CACNB4: variants seen among roughly 807,000 people sequenced by gnomAD.
The protein encoded by CACNB4 is voltage-dependent L-type calcium channel subunit beta-4.
In CACNB4, 32 loss-of-function variants were observed where a neutral mutation model predicts 71.2. The ratio of observed to expected loss-of-function variants is 0.45; its 90% CI spans 0.34 to 0.60. The LOEUF (loss-of-function observed/expected upper bound fraction) is 0.60, where lower values mean the gene tolerates loss of function less well. Among genes scored for constraint, CACNB4 ranks in the 20% least tolerant of loss-of-function variants. CACNB4 has a pLI of 0.01. For synonymous variants in CACNB4, 231 were observed against 236.9 expected (o/e 0.97, Z 0.23); for missense variants, 464 against 647.9 (o/e 0.72, Z 3.08).
rs375604878 is a variant in CACNB4 at position 151,966,437 on chromosome 2, C to T, written c.148-83067G>A. On this transcript the variant is annotated intron_variant, in intron 2 of 13. Transcript: ENST00000539935. ...CTGGGATTACAGGCACCCACCACCA[C>T]GCCCAACTAATTTTTATATTTTTAG... Among the ~76,000 whole-genome samples, 42 of 152,144 alleles carry T rather than the reference C, an allele frequency of 2.8e-4. No individual in the cohort carries two copies. The East Asian group carries it at 5.2e-3, about 19-fold the overall frequency.
chr2:151,961,151 C>T (rs777499570), intron 2 of CACNB4, among the ~76,000 whole-genome samples: 11 of 152,136 alleles, frequency 7.2e-5, no homozygotes, highest in Non-Finnish European at 1.5e-4. Flanking sequence ...ATTGCTAATC[C>T]CTGTTCCCAC....
chr2:152,028,816 A>G (rs1288552840), intron 2 of CACNB4, among the ~76,000 whole-genome samples: 5 of 152,250 alleles, frequency 3.3e-5, no homozygotes, highest in Non-Finnish European at 5.9e-5. Flanking sequence ...TAGCCAAAAC[A>G]TGATAAATAT....
At position 151,973,495 on chromosome 2, in the gene CACNB4, C is replaced by G. The variant is rs560206044; in HGVS notation, c.148-90125G>C. ...GCTTGACAATAAATAATTTTAGTTA[C>G]CTATAAACTACACAGAGAACATTTA... On this transcript the variant is annotated intron_variant, in intron 2 of 13. Transcript: ENST00000539935. 4.9e-6 allele frequency: 3 copies of G among 614,800 alleles called. No homozygotes were observed. In the Admixed American group the frequency reaches 8.8e-5, roughly 18 times the overall value. 38.1% of individuals were successfully genotyped at this position (614,800 alleles called of 1,614,324 possible). A position where few individuals can be genotyped will look rare whatever the true frequency, so the allele number is the denominator to read the frequency against.
chr2:152,098,569 C>CCCCCCCCCCCCCCCCCA lies in CACNB4; in HGVS notation c.64-157_64-156insTGGGGGGGGGGGGGGGG. 1.2e-6 allele frequency: 1 copy of CCCCCCCCCCCCCCCCCA among 852,162 alleles called. No homozygotes were observed. The highest frequency in any genetic ancestry group is 2.0e-6 in the Non-Finnish European group (1 of 509,800). 52.8% of individuals were successfully genotyped at this position (852,162 alleles called of 1,614,324 possible). A position where few individuals can be genotyped will look rare whatever the true frequency, so the allele number is the denominator to read the frequency against. On this transcript the variant is annotated intron_variant, in intron 1 of 13. Coordinates refer to ENST00000539935, the MANE Select transcript of CACNB4 (RefSeq NM_000726.5). This position sits in a 1 kb window ranked among gnomAD's most constrained non-coding sequence, Gnocchi z 5.3. ...CTCCGCGACTCCCAAATACAGCCCC[C>CCCCCCCCCCCCCCCCCA]ACCCCCACCCACCCACTGCAAGCCT...
intron 2 of CACNB4, among the ~76,000 whole-genome samples, chr2:152,075,129 A>G (rs945460379): frequency 6.6e-6 from 1 of 152,216 alleles, no homozygotes; most frequent in Non-Finnish European, 1.5e-5. Context: ...ATCTACATAT[A>G]TTATTTCATT....
intron 12 of CACNB4, chr2:151,852,762 C>G (rs929432162): frequency 1.3e-5 from 2 of 152,150 alleles, no homozygotes; most frequent in Non-Finnish European, 2.9e-5. Context: ...CTAGTGAATC[C>G]ATTGAGTAAG....
chr2:151,909,452 A>G (rs1426110112), intron 2 of CACNB4, among the ~76,000 whole-genome samples: 1 of 12,572 alleles, frequency 8.0e-5, no homozygotes, highest in Non-Finnish European at 1.1e-4. Flanking sequence ...GAAAAAAACA[A>G]AAAAAAAAAA....
intron 2 of CACNB4, among the ~76,000 whole-genome samples, chr2:151,912,795 G>T (rs914323232): frequency 3.9e-5 from 6 of 152,154 alleles, no homozygotes; most frequent in African/African-American, 1.4e-4. Context: ...ATTATTGTGT[G>T]GGAGTCTAAG....
chr2:151,851,038 A>C (rs1341858866), intron 12 of CACNB4: 1 of 152,106 alleles, frequency 6.6e-6, no homozygotes, highest in Non-Finnish European at 1.5e-5. Context: ...GCAATGTGAT[A>C]CTCTGCCAAT....
chr2:151,925,016 A>C (rs1424128778), intron 2 of CACNB4, among the ~76,000 whole-genome samples: 1 of 152,036 alleles, frequency 6.6e-6, no homozygotes, highest in Non-Finnish European at 1.5e-5. Context: ...TTTGTATTGT[A>C]CTCAGCTGTT....
intron 12 of CACNB4, among the ~76,000 whole-genome samples, chr2:151,843,310 T>C (rs2099836710): frequency 6.6e-6 from 1 of 152,160 alleles, no homozygotes; most frequent in African/African-American, 2.4e-5. Context: ...ACATCTCAAC[T>C]TTCTTTCTTT....
intron 4 of CACNB4, among the ~76,000 whole-genome samples, chr2:151,879,028 T>A (rs2099847190): frequency 6.6e-6 from 1 of 152,252 alleles, no homozygotes; most frequent in South Asian, 2.1e-4. Flanking sequence ...ATAACAGGCC[T>A]AAAATAATAG....
At chr2:151,918,063 G>A (rs930876535) in intron 2 of CACNB4, among the ~76,000 whole-genome samples, 2 of 152,128 alleles carry the variant, frequency 1.3e-5, no homozygotes, top group Non-Finnish European at 2.9e-5. Context: ...GGGGGGAAAA[G>A]GGTGCTACTG....
chr2:151,988,979 A>C (rs1681533342), intron 2 of CACNB4, among the ~76,000 whole-genome samples: 1 of 152,088 alleles, frequency 6.6e-6, no homozygotes, highest in Non-Finnish European at 1.5e-5. Flanking sequence ...CTCTTCTTTT[A>C]CCATTAGCAG....
At chr2:152,052,546 G>T (rs1049072652) in intron 2 of CACNB4, among the ~76,000 whole-genome samples, 1 of 152,078 alleles carries the variant, frequency 6.6e-6, no homozygotes, top group African/African-American at 2.4e-5. Context: ...CGCCCGCCTC[G>T]GCCTTCCACA....
At chr2:151,873,823 C>G (rs932674639) in intron 5 of CACNB4, 1 of 152,166 alleles carries the variant, frequency 6.6e-6, no homozygotes, top group African/African-American at 2.4e-5. Context: ...GGATCTGTGT[C>G]CCCCGCAAAT....
intron 2 of CACNB4, among the ~76,000 whole-genome samples, chr2:151,913,882 C>G (rs1014649402): frequency 9.9e-5 from 15 of 152,048 alleles, no homozygotes; most frequent in African/African-American, 3.6e-4. Context: ...GGTGACCTGG[C>G]CTTACTCTCT....
At chr2:151,880,725 G>T (rs1265169031) in intron 4 of CACNB4, 75 bp downstream of exon 4, 2 of 1,523,800 alleles carry the variant, frequency 1.3e-6, no homozygotes, top group Non-Finnish European at 1.8e-6. Flanking sequence ...CTCCTCTCTG[G>T]CTAGTTTGGC....
chr2:151,967,615 A>G (rs1279407385), intron 2 of CACNB4: 1 of 152,196 alleles, frequency 6.6e-6, no homozygotes, highest in Non-Finnish European at 1.5e-5. Flanking sequence ...CTCAGGCTAA[A>G]AAGAAAAGGG....
Sources: allele counts gnomAD v4.1 joint callset (sites outside exome capture counted in the v4.1 genomes callset), GRCh38; gene constraint gnomAD v4.1.1; non-coding constraint Gnocchi (gnomAD v3.1); transcripts MANE v1.5; gene names NCBI Gene and HGNC (gene_info 2026-07-23, HGNC 2026-07-21).